ARHGEF3: variants seen among roughly 807,000 people sequenced by gnomAD.
ARHGEF3 encodes 59.8 kDA protein.
ARHGEF3 carries 28 observed loss-of-function variants against 63.2 expected under a neutral mutation model. The observed-to-expected ratio is 0.44, with a 90% CI of 0.33 to 0.61. The LOEUF is 0.61. Ranked by LOEUF, ARHGEF3 falls within the 20% of genes least tolerant of loss-of-function variation. ARHGEF3 has a pLI of 0.03. For synonymous variants in ARHGEF3, 266 were observed against 254.2 expected, an observed-to-expected ratio of 1.05 and a Z score of -0.44; for missense variants, 533 against 659.3, an observed-to-expected ratio of 0.81 and a Z score of 2.10.
chr3:56,784,721 C>A (rs1479512410), intron 1 of ARHGEF3, among the ~76,000 whole-genome samples: 3 of 152,186 alleles, frequency 2.0e-5, no homozygotes, highest in Non-Finnish European at 2.9e-5. Context: ...AATCTGAATG[C>A]CTCTGCAGCA....
chr3:56,971,150 A>ATG (rs1700892895), intron 2 of ARHGEF3, among the ~76,000 whole-genome samples: 1 of 152,180 alleles, frequency 6.6e-6, no homozygotes, highest in Non-Finnish European at 1.5e-5. Flanking sequence ...TGCGGCCCTC[A>ATG]GTAAGTCTGT....
chr3:56,744,299 C>T lies in ARHGEF3; in HGVS notation c.870+906G>A, dbSNP rs532816888. Among the ~76,000 whole-genome samples the T allele has an allele frequency of 5.9e-5, 9 of 152,120 alleles. No individual in the cohort carries two copies. In the South Asian group the frequency reaches 1.2e-3, roughly 21 times the overall value. ...CTCTGGGTGGAATGCTCACAGTTTA[C>T]AATATTCTCATGATGTGCACCCCAT... is the stretch of plus-strand genomic sequence containing the variant. On this transcript the variant is annotated intron_variant, in intron 7 of 9. Coordinates refer to ENST00000296315, the MANE Select transcript of ARHGEF3 (RefSeq NM_019555.3).
chr3:56,965,899 C>T (rs1335563336), intron 2 of ARHGEF3, among the ~76,000 whole-genome samples: 2 of 151,958 alleles, frequency 1.3e-5, no homozygotes, highest in Non-Finnish European at 1.5e-5. Flanking sequence ...CCACCTGGCT[C>T]GGCCTCCCAA....
At chr3:56,943,871 G>A (rs1158417333) in intron 3 of ARHGEF3, among the ~76,000 whole-genome samples, 1 of 149,526 alleles carries the variant, frequency 6.7e-6, no homozygotes, top group African/African-American at 2.5e-5. Context: ...CCAGGATCGC[G>A]CTACTGCACT....
chr3:56,929,121 A>AT (rs1412024044), intron 3 of ARHGEF3, among the ~76,000 whole-genome samples: 2 of 152,204 alleles, frequency 1.3e-5, no homozygotes, highest in Non-Finnish European at 1.5e-5. Context: ...AAAGGCTGCA[A>AT]TTTGGGTCCT....
intron 4 of ARHGEF3, among the ~76,000 whole-genome samples, chr3:56,860,462 C>T (rs2040035828): frequency 6.6e-6 from 1 of 152,202 alleles, no homozygotes. Flanking sequence ...GCCACTGTGT[C>T]TAGCCTGTTT....
intron 1 of ARHGEF3, among the ~76,000 whole-genome samples, chr3:57,042,586 G>A (rs1278967201): frequency 2.1e-5 from 3 of 142,216 alleles, no homozygotes; most frequent in Non-Finnish European, 1.5e-5. Context: ...ATGGCTCCCC[G>A]CTCTCCAACC....
chr3:56,860,375 G>A (rs1460347020), intron 4 of ARHGEF3, among the ~76,000 whole-genome samples: 2 of 152,166 alleles, frequency 1.3e-5, no homozygotes, highest in East Asian at 1.9e-4. Flanking sequence ...TAGAGATGGG[G>A]TCTTACTATG....
chr3:56,788,201 A>G (rs1175287288), intron 1 of ARHGEF3, among the ~76,000 whole-genome samples: 1 of 152,134 alleles, frequency 6.6e-6, no homozygotes, highest in East Asian at 1.9e-4. Context: ...ACACTTGAGG[A>G]CTGGGGGGTG....
At position 56,744,026 on chromosome 3, in the gene ARHGEF3, C is replaced by A. The variant is rs576679124; in HGVS notation, c.870+1179G>T. 2.0e-5 allele frequency among the ~76,000 whole-genome samples: 3 copies of A among 152,246 alleles called. No homozygotes were observed. In the South Asian group the frequency reaches 6.2e-4, roughly 32 times the overall value. On this transcript the variant is annotated intron_variant, in intron 7 of 9. Transcript: ENST00000296315. The stretch of plus-strand genomic sequence containing the variant: ...ACAAAAAAAAAACTTCAATTAATTG[C>A]ATGACAAAGGAAAAAATCTCTTAAA...
At chr3:56,965,685 G>C (rs1277226506) in intron 2 of ARHGEF3, among the ~76,000 whole-genome samples, 2 of 126,750 alleles carry the variant, frequency 1.6e-5, no homozygotes, top group Non-Finnish European at 3.1e-5. Flanking sequence ...GTCTCGCTCT[G>C]TCGCCCAGGC....
At chr3:57,035,052 A>G (rs1703894447) in intron 2 of ARHGEF3, 2 of 1,494,604 alleles carry the variant, frequency 1.3e-6, no homozygotes, top group Non-Finnish European at 1.8e-6. Flanking sequence ...GGAATTTTAA[A>G]ATTTTTAATT....
chr3:56,917,797 G>C (rs575306106), intron 3 of ARHGEF3, among the ~76,000 whole-genome samples: 1 of 152,316 alleles, frequency 6.6e-6, no homozygotes, highest in African/African-American at 2.4e-5. Context: ...TCTGGAAGCT[G>C]AACTGACAGG....
chr3:56,891,037 T>A, intron 3 of ARHGEF3, among the ~76,000 whole-genome samples: 2 of 152,208 alleles, frequency 1.3e-5, no homozygotes, highest in East Asian at 3.8e-4. Context: ...TTTTGTGTTC[T>A]TGTACTTGCC....
At position 56,785,794 on chromosome 3, in the gene ARHGEF3, T is replaced by C. The variant is rs150272259; in HGVS notation, c.97-11978A>G. 7.1e-3 allele frequency among the ~76,000 whole-genome samples: 1,086 copies of C among 152,298 alleles called. 2 individuals carry two copies. Among genetic ancestry groups the C allele is most frequent in the Non-Finnish European group, 0.01 (700 of 68,018 alleles). The stretch of plus-strand genomic sequence containing the variant: ...GCAAAGCTGACAGTCAGGTCTGTCA[T>C]CCGACTGAAAACTAGACAGGGACCA... On this transcript the variant is annotated intron_variant, in intron 1 of 9. Coordinates refer to ENST00000296315, the MANE Select transcript of ARHGEF3 (RefSeq NM_019555.3).
intron 2 of ARHGEF3, among the ~76,000 whole-genome samples, chr3:57,033,415 G>GAAAAAA: frequency 7.1e-6 from 1 of 140,172 alleles, no homozygotes; most frequent in Non-Finnish European, 1.5e-5. Context: ...CTTGGCTGCA[G>GAAAAAA]TAAAAAAAAA....
At chr3:57,073,090 A>G (rs899481588) in intron 1 of ARHGEF3, among the ~76,000 whole-genome samples, 24 of 152,154 alleles carry the variant, frequency 1.6e-4, no homozygotes, top group African/African-American at 5.6e-4. Flanking sequence ...TAAGCAATAC[A>G]TACAAAATGA....
intron 2 of ARHGEF3, among the ~76,000 whole-genome samples, chr3:57,000,034 T>G (rs1579056436): frequency 6.6e-6 from 1 of 152,108 alleles, no homozygotes; most frequent in Admixed American, 6.6e-5. Flanking sequence ...AGCCTCTGCT[T>G]CCTCAGCCAT....
chr3:56,989,646 C>T (rs1057265893), intron 2 of ARHGEF3, among the ~76,000 whole-genome samples: 1 of 152,182 alleles, frequency 6.6e-6, no homozygotes, highest in African/African-American at 2.4e-5. Context: ...GGACAGCACT[C>T]ATCTGGCCTC....
Sources: allele counts gnomAD v4.1 joint callset (sites outside exome capture counted in the v4.1 genomes callset), GRCh38; gene constraint gnomAD v4.1.1; transcripts MANE v1.5; gene names NCBI Gene and HGNC (gene_info 2026-07-23, HGNC 2026-07-21).